The following SPTA1 variants were observed in gnomAD, a reference collection of about 807,000 sequenced individuals.
The protein encoded by SPTA1 is spectrin alpha chain, erythrocytic 1.
In SPTA1, 177 loss-of-function variants were observed where a neutral mutation model predicts 324.7. The observed-to-expected ratio is 0.55, with a 90% CI of 0.48 to 0.62. The LOEUF is 0.62. Ranked by LOEUF, SPTA1 falls within the 20% of genes least tolerant of loss-of-function variation. SPTA1 has a pLI of 0.00. For synonymous variants in SPTA1, 1,195 were observed against 1,041.3 expected, an observed-to-expected ratio of 1.15 and a Z score of -2.84; for missense variants, 3,162 against 2,883.6, an observed-to-expected ratio of 1.10 and a Z score of -2.21.
At chr1:158,621,169 T>G (rs1177678798) in intron 43 of SPTA1, among the ~76,000 whole-genome samples, 1 of 152,200 alleles carries the variant, frequency 6.6e-6, no homozygotes, top group Non-Finnish European at 1.5e-5. Context: ...TTTTCTGTAT[T>G]ACTGAATGAC....
chr1:158,621,823 G>T (rs911517606), intron 43 of SPTA1, among the ~76,000 whole-genome samples: 1 of 152,098 alleles, frequency 6.6e-6, no homozygotes, highest in Admixed American at 6.5e-5. Context: ...ATGATTCTTA[G>T]GGTCTAGGAG....
chr1:158,624,211 C>T (rs1650113520), intron 42 of SPTA1, among the ~76,000 whole-genome samples: 1 of 152,210 alleles, frequency 6.6e-6, no homozygotes, highest in South Asian at 2.1e-4. Flanking sequence ...GAACACCCGC[C>T]CCTGACAGAG....
chr1:158,612,791 A>G lies in SPTA1; in HGVS notation c.7134+26T>C, dbSNP rs753380175. 7.4e-6 allele frequency: 12 copies of G among 1,613,114 alleles called. No individual in the cohort carries two copies. The Admixed American group carries it at 2.0e-4, about 27-fold the overall frequency. ...AGAATTCAAATTAGGATGACAGTGT[A>G]GTAGGGGAAGCAACCAGAATCGGAC... On this transcript the variant is annotated intron_variant, in intron 51 of 51. Transcript: ENST00000643759.
Position 158,637,103 on chromosome 1 carries a change from A to G in SPTA1, c.5190-342T>C, listed in dbSNP as rs1651140704. Among the ~76,000 whole-genome samples the G allele has an allele frequency of 2.0e-5, 3 of 152,228 alleles. No homozygotes were observed. In the South Asian group the frequency reaches 6.2e-4, roughly 32 times the overall value. On this transcript the variant is annotated intron_variant, in intron 36 of 51. Transcript: ENST00000643759. ...TATTTCAAAAAAATGTGAAAATTAT[A>G]TATGACCTCCACAGGTTTTGTTATT...
intron 12 of SPTA1, among the ~76,000 whole-genome samples, chr1:158,670,936 A>G (rs1294914739): frequency 6.6e-5 from 10 of 152,134 alleles, no homozygotes; most frequent in African/African-American, 2.4e-4. Context: ...AGAATTCAAT[A>G]ATTTCTATTT....
rs111321033 is a variant in SPTA1, at chr1:158,685,347, C to A, written c.25G>T (p.Val9Phe). The A allele has an allele frequency of 8.3e-5, 134 of 1,613,056 alleles. No individual in the cohort carries two copies. Among genetic ancestry groups the A allele is most frequent in the East Asian group, 2.9e-4 (13 of 44,872 alleles). Residue 9 changes from valine to phenylalanine, a missense_variant and splice_region_variant, in exon 2 of 52, where the codon GTT becomes TTT. Transcript: ENST00000643759. MEQFPKET[V>F]VESSGPKVLE... Reference sequence around the variant, plus strand: ...ACCTTTGGCCCACTGCTCTCCACAACCTGCAAGTTAAAAAGATTCTGTTAC... The same window carrying A: ...ACCTTTGGCCCACTGCTCTCCACAAACTGCAAGTTAAAAAGATTCTGTTAC...
chr1:158,666,305 T>C lies in SPTA1; in HGVS notation c.2220+11A>G, dbSNP rs781314380. ...CATTGCTTATGGCTGGCCAAAGAGC[T>C]AACAACAAACCTGACGAGCAGCCAC... On this transcript the variant is annotated intron_variant, in intron 16 of 51. Coordinates refer to ENST00000643759, the MANE Select transcript of SPTA1 (RefSeq NM_003126.4). 1.4e-5 allele frequency: 23 copies of C among 1,613,006 alleles called. No homozygotes were observed. The Middle Eastern group carries it at 5.3e-4, about 37-fold the overall frequency.
intron 22 of SPTA1, 57 bp from the exon 23 acceptor site, chr1:158,652,710 A>G (rs1652543997): frequency 6.3e-7 from 1 of 1,584,496 alleles, no homozygotes; most frequent in Non-Finnish European, 8.7e-7. Flanking sequence ...AGAAGAGTAG[A>G]GGCTGAGTGA....
chr1:158,657,641 T>C lies in SPTA1; in HGVS notation c.2641A>G (p.Met881Val). The C allele has an allele frequency of 6.2e-7, 1 of 1,614,146 alleles. No individual in the cohort carries two copies. Among genetic ancestry groups the C allele is most frequent in the Non-Finnish European group, 8.5e-7 (1 of 1,180,008 alleles). ...GCAGCTCGAGCACGGAGAGACTCCA[T>C]ATTCTGGTTCAAACTCTTGACCCTA... is the stretch of plus-strand genomic sequence containing the variant. ...ASRVKSLNQN[M>V]ESLRARAARR... The change falls in exon 19 of 52, where the codon ATG becomes GTG. Residue 881 changes from methionine (M) to valine (V), a missense_variant. By Grantham distance (21) the Met-to-Val change is conservative. Coordinates refer to ENST00000643759, the MANE Select transcript of SPTA1 (RefSeq NM_003126.4).
intron 49 of SPTA1, 24 bp from the exon 50 acceptor site, chr1:158,613,891 A>AT (rs1557918272): frequency 1.9e-6 from 3 of 1,610,228 alleles, no homozygotes; most frequent in Non-Finnish European, 2.5e-6. Context: ...AAAGAAAAAA[A>AT]AATTTATCAA....
rs976405254 is a variant in SPTA1 at position 158,630,775 on chromosome 1, C to CTAA, written c.5566-3055_5566-3053dup. On this transcript the variant is annotated intron_variant, in intron 39 of 51. Coordinates refer to ENST00000643759, the MANE Select transcript of SPTA1 (RefSeq NM_003126.4). ...GTTAATCTCTAAAATATATAAGGAA[C>CTAA]TAATATAACTCAATACTAAAAAGTA... 4.6e-5 allele frequency among the ~76,000 whole-genome samples: 7 copies of CTAA among 151,346 alleles called. No homozygotes were observed. The East Asian group carries it at 1.3e-3, about 29-fold the overall frequency.
chr1:158,611,466 C>T (rs1649257759), intron 51 of SPTA1, 77 bp from the exon 52 acceptor site: 1 of 1,564,904 alleles, frequency 6.4e-7, no homozygotes, highest in South Asian at 1.1e-5. Context: ...CCATATTACG[C>T]CATAAATGCA....
chr1:158,647,527 AC>A lies in SPTA1; in HGVS notation c.3896+11del, dbSNP rs1272746690. ...TAGAGGCCAGACACGGAAGTTACCCACCCCACTCTACCTGGCCTTGCTGAGG... is the reference window on the plus strand; with the variant it reads ...TAGAGGCCAGACACGGAAGTTACCCACCCACTCTACCTGGCCTTGCTGAGG... On this transcript the variant is annotated intron_variant, in intron 27 of 51. Coordinates refer to ENST00000643759, the MANE Select transcript of SPTA1 (RefSeq NM_003126.4). 10 of 1,612,246 alleles carry A rather than the reference AC, an allele frequency of 6.2e-6. No homozygotes were observed. The highest frequency in any genetic ancestry group is 8.5e-6 in the Non-Finnish European group (10 of 1,179,764).
At chr1:158,642,778 T>C (rs1274950092) in intron 32 of SPTA1, 36 bp downstream of exon 32, 4 of 1,613,718 alleles carry the variant, frequency 2.5e-6, no homozygotes, top group Non-Finnish European at 3.4e-6. Flanking sequence ...AAGCTCGGAA[T>C]GGTGAAATTT....
Position 158,620,200 on chromosome 1 carries a change from C to T in SPTA1, c.6387G>A (p.Arg2129=). The T allele has an allele frequency of 6.2e-7, 1 of 1,614,114 alleles. No homozygotes were observed. Among genetic ancestry groups the T allele is most frequent in the Non-Finnish European group, 8.5e-7 (1 of 1,180,026 alleles). ...TGATGTCAGATAGGTGCTTCCAGGTCCTTTCCAGCACCTCCACTGTTAACC... is the reference window on the plus strand; with the variant it reads ...TGATGTCAGATAGGTGCTTCCAGGTTCTTTCCAGCACCTCCACTGTTAACC... The part of the protein sequence containing the change: ...YTWLTVEVLE[R]TWKHLSDIIE... Residue 2129 remains arginine, a synonymous_variant, in exon 44 of 52, where the codon AGG becomes AGA. Coordinates refer to ENST00000643759, the MANE Select transcript of SPTA1 (RefSeq NM_003126.4).
intron 20 of SPTA1, among the ~76,000 whole-genome samples, chr1:158,656,148 A>G (rs16840446): frequency 0.066 from 10,100 of 152,192 alleles, 1,109 homozygotes; most frequent in African/African-American, 0.23. Flanking sequence ...ATAGACTGTA[A>G]TTTTCCTGCA....
chr1:158,674,146 G>A (rs1654233361), intron 10 of SPTA1, among the ~76,000 whole-genome samples, 183 bp downstream of exon 10: 1 of 152,110 alleles, frequency 6.6e-6, no homozygotes. Flanking sequence ...TGGAACCAAT[G>A]CCCCATGGAT....
rs1018869905 is a variant in SPTA1 at position 158,645,398 on chromosome 1, G to A, written c.3997-13C>T. The A allele has an allele frequency of 4.3e-6, 7 of 1,613,798 alleles. No individual in the cohort carries two copies. In the South Asian group the frequency reaches 6.6e-5, roughly 15 times the overall value. On this transcript the variant is annotated splice_polypyrimidine_tract_variant and intron_variant, in intron 28 of 51. Coordinates refer to ENST00000643759, the MANE Select transcript of SPTA1 (RefSeq NM_003126.4). ...CAGCACGGTGCTCCTGTGGGAAAAAGGGGGAAGAAATCAGTGAGGCCAACT... is the reference window on the plus strand; with the variant it reads ...CAGCACGGTGCTCCTGTGGGAAAAAAGGGGAAGAAATCAGTGAGGCCAACT...
rs759839647 is a variant in SPTA1 at position 158,672,214 on chromosome 1, T to C, written c.1351-18A>G. The C allele has an allele frequency of 1.2e-6, 2 of 1,610,538 alleles. No individual in the cohort carries two copies. Among genetic ancestry groups the C allele is most frequent in the East Asian group, 4.5e-5 (2 of 44,734 alleles). On this transcript the variant is annotated intron_variant, in intron 10 of 51. Transcript: ENST00000643759. ...ATTTCCATCTTTGGAAAGAAGGAGATAATGTATATGGAAGATAATTAATTT... is the reference window on the plus strand; with the variant it reads ...ATTTCCATCTTTGGAAAGAAGGAGACAATGTATATGGAAGATAATTAATTT...
Sources: gnomAD v4.1 joint callset for allele counts (sites outside exome capture counted in the v4.1 genomes callset) on GRCh38, gnomAD v4.1.1 for gene constraint, MANE v1.5 for transcripts, NCBI Gene and HGNC (gene_info 2026-07-23, HGNC 2026-07-21) for gene names.